The following FIGN variants were observed in gnomAD, a reference collection of about 807,000 sequenced individuals.
FIGN encodes the protein fidgetin.
In FIGN, 11 loss-of-function variants were observed where a neutral mutation model predicts 51.3. That is an observed-to-expected ratio of 0.21 (90% CI 0.13 to 0.35). FIGN has a LOEUF of 0.35. Ranked by LOEUF, FIGN falls within the 10% of genes least tolerant of loss-of-function variation. The pLI, the probability that FIGN is intolerant of heterozygous loss-of-function variation, is 1.00. For missense variants in FIGN, 857 were observed against 943.6 expected (o/e 0.91, Z 1.20); for synonymous variants, 407 against 363.2 (o/e 1.12, Z -1.37).
At chr2:163,706,096 T>C (rs1684495127) in intron 2 of FIGN, among the ~76,000 whole-genome samples, 1 of 152,156 alleles carries the variant, frequency 6.6e-6, no homozygotes, top group Admixed American at 6.6e-5. Context: ...GCTCTATTCG[T>C]ATTGCATATT....
chr2:163,629,793 T>C (rs1243347663), intron 2 of FIGN, among the ~76,000 whole-genome samples: 1 of 151,756 alleles, frequency 6.6e-6, no homozygotes, highest in Non-Finnish European at 1.5e-5. Context: ...TGCTCTAGGC[T>C]GAGGGGAAAG....
In FIGN at chr2:163,611,674, G is replaced by T; in HGVS notation, c.158C>A (p.Ala53Asp). Residue 53 changes from alanine (A) to aspartate (D), a missense_variant, in exon 3 of 3, where the codon GCC (alanine) becomes GAC (aspartate). Ala to Asp is a moderately radical substitution (Grantham distance 126, BLOSUM62 -2). Transcript: ENST00000333129. ...AGCAGATATGTCATCATTCGCCCAG[G>T]CGTACTGATAGGTGCGCTGCAGATG... ...RGHLQRTYQY[A>D]WANDDISALT... The T allele has an allele frequency of 6.2e-7, 1 of 1,614,170 alleles. No homozygotes were observed. Among genetic ancestry groups the T allele is most frequent in the African/African-American group, 1.3e-5 (1 of 75,038 alleles).
At chr2:163,642,309 GA>G (rs1683317672) in intron 2 of FIGN, among the ~76,000 whole-genome samples, 1 of 152,196 alleles carries the variant, frequency 6.6e-6, no homozygotes, top group Admixed American at 6.5e-5. Context: ...AAAGCTTTCA[GA>G]AATACCTGTA....
In FIGN at chr2:163,609,528, CA is replaced by C. The variant is rs1691182845; in HGVS notation, c.*23del. 6.6e-7 allele frequency: 1 copy of C among 1,522,906 alleles called. No individual in the cohort carries two copies. The highest frequency in any genetic ancestry group is 8.9e-7 in the Non-Finnish European group (1 of 1,123,316). The allele number at this position is 1,522,906 out of a possible 1,614,324, so 94.3% of individuals were successfully genotyped here. ...TATGTGTGTGTGCCAACATTCATTA[CA>C]TTTTTTTTTTCTAAAGAAGTTATCA... is the stretch of plus-strand genomic sequence containing the variant. On this transcript the variant is annotated 3_prime_UTR_variant, in exon 3 of 3. Transcript: ENST00000333129.
At chr2:163,638,493 A>G (rs537964440) in intron 2 of FIGN, among the ~76,000 whole-genome samples, 2 of 152,232 alleles carry the variant, frequency 1.3e-5, no homozygotes, top group East Asian at 3.9e-4. Flanking sequence ...GTCTTAAAGA[A>G]CAATTAAATA....
chr2:163,620,455 T>C (rs1682948801), intron 2 of FIGN, among the ~76,000 whole-genome samples: 3 of 152,066 alleles, frequency 2.0e-5, no homozygotes, highest in South Asian at 4.1e-4. Context: ...AACCCTCTTA[T>C]GTGTGTAAAT....
At chr2:163,694,351 C>T (rs1175924532) in intron 2 of FIGN, among the ~76,000 whole-genome samples, 1 of 152,172 alleles carries the variant, frequency 6.6e-6, no homozygotes, top group African/African-American at 2.4e-5. Flanking sequence ...GTACTATAAC[C>T]TCCTCTTCAA....
intron 2 of FIGN, among the ~76,000 whole-genome samples, chr2:163,717,203 T>C (rs550313938): frequency 7.7e-4 from 117 of 152,288 alleles, no homozygotes; most frequent in African/African-American, 2.8e-3. Flanking sequence ...CCAATTTTCA[T>C]ATTATTTTTA....
At chr2:163,681,688 C>T (rs2105339418) in intron 2 of FIGN, among the ~76,000 whole-genome samples, 1 of 152,278 alleles carries the variant, frequency 6.6e-6, no homozygotes, top group Admixed American at 6.5e-5. Flanking sequence ...ATGTGTAAAA[C>T]TTTAAGAAAG....
At chr2:163,626,563 A>G (rs967821139) in intron 2 of FIGN, among the ~76,000 whole-genome samples, 4 of 152,194 alleles carry the variant, frequency 2.6e-5, no homozygotes, top group African/African-American at 9.7e-5. Context: ...TGGGTTTTAA[A>G]AATAACTTTC....
chr2:163,624,439 A>G (rs80109741), intron 2 of FIGN, among the ~76,000 whole-genome samples: 25 of 151,710 alleles, frequency 1.6e-4, no homozygotes, highest in South Asian at 2.1e-4. Flanking sequence ...AAAAAAAAAA[A>G]AGAGAGACAC....
At chr2:163,644,409 A>C (rs1487324114) in intron 2 of FIGN, among the ~76,000 whole-genome samples, 2 of 152,222 alleles carry the variant, frequency 1.3e-5, no homozygotes, top group Admixed American at 1.3e-4. Flanking sequence ...CAGGAGGGCT[A>C]GAATCAAAAA....
chr2:163,706,500 A>G (rs1684501888), intron 2 of FIGN, among the ~76,000 whole-genome samples: 1 of 152,184 alleles, frequency 6.6e-6, no homozygotes, highest in South Asian at 2.1e-4. Flanking sequence ...ATATTAATAT[A>G]TCATAAAATA....
In FIGN at chr2:163,609,861, C is replaced by T. The variant is rs563559763; in HGVS notation, c.1971G>A (p.Ala657=). 8.6e-5 allele frequency: 139 copies of T among 1,614,134 alleles called. No homozygotes were observed. In the East Asian group the frequency reaches 2.2e-3, roughly 26 times the overall value. Residue 657 remains alanine, a synonymous_variant, in exon 3 of 3, where the codon GCG becomes GCA. Coordinates refer to ENST00000333129, the MANE Select transcript of FIGN (RefSeq NM_018086.4). ...RLLIPLPDST[A]RHQIIVQLLS... ...GCAGTTGTACTATTATCTGGTGCCT[C>T]GCTGTGCTGTCAGGAAGTGGGATTA...
intron 2 of FIGN, among the ~76,000 whole-genome samples, chr2:163,686,027 A>G (rs751546808): frequency 8.5e-5 from 13 of 152,266 alleles, no homozygotes; most frequent in African/African-American, 1.2e-4. Context: ...GACTTCGTCA[A>G]TTTCGCAGTA....
chr2:163,652,361 AACACACAC>A (rs60276598), intron 2 of FIGN, among the ~76,000 whole-genome samples: 1 of 139,374 alleles, frequency 7.2e-6, no homozygotes. Context: ...CACACACACA[AACACACAC>A]ACACACACAC....
At chr2:163,620,775 G>T (rs779842747) in intron 2 of FIGN, among the ~76,000 whole-genome samples, 47 of 151,450 alleles carry the variant, frequency 3.1e-4, no homozygotes, top group Non-Finnish European at 1.2e-4. Flanking sequence ...TTATGACATG[G>T]CTAGTATATT....
intron 2 of FIGN, among the ~76,000 whole-genome samples, chr2:163,680,710 A>G (rs142249746): frequency 1.1e-3 from 163 of 150,454 alleles, no homozygotes; most frequent in East Asian, 4.3e-3. Context: ...CTTCCCCCCA[A>G]TCTTCCCCCT....
intron 2 of FIGN, among the ~76,000 whole-genome samples, chr2:163,709,842 C>T (rs1325268744): frequency 6.6e-6 from 1 of 152,134 alleles, no homozygotes. Context: ...TTTACTCTCA[C>T]TCTTGAAAGC....
Sources: gnomAD v4.1 joint callset for allele counts (sites outside exome capture counted in the v4.1 genomes callset) on GRCh38, gnomAD v4.1.1 for gene constraint, MANE v1.5 for transcripts, NCBI Gene and HGNC (gene_info 2026-07-23, HGNC 2026-07-21) for gene names.